CDC37L1: variants seen among roughly 807,000 people sequenced by gnomAD.
CDC37L1 encodes cell division cycle 37 like 1, HSP90 cochaperone, also known as hsp90 co-chaperone Cdc37-like 1.
A neutral mutation model predicts 45.9 loss-of-function variants in CDC37L1; 32 were observed. The observed-to-expected ratio is 0.70, with a 90% CI of 0.53 to 0.94. The LOEUF (loss-of-function observed/expected upper bound fraction) is 0.94, where lower values mean the gene tolerates loss of function less well. Ranked by LOEUF, CDC37L1 falls within the 40% of genes least tolerant of loss-of-function variation. The probability of loss-of-function intolerance (pLI) is 0.00; values close to 1 mark genes in which losing one functional copy is unlikely to be tolerated. For missense variants in CDC37L1, 434 were observed against 405.7 expected (o/e 1.07, Z -0.60); for synonymous variants, 150 against 133.0 (o/e 1.13, Z -0.88).
At chr9:4,686,791 C>T (rs571606911) in intron 2 of CDC37L1, among the ~76,000 whole-genome samples, 4 of 152,274 alleles carry the variant, frequency 2.6e-5, no homozygotes, top group African/African-American at 9.6e-5. Flanking sequence ...ACTTGATAGC[C>T]ACTAGCCACA....
At position 4,679,873 on chromosome 9, in the gene CDC37L1, C is replaced by G. The variant is rs1488486173; in HGVS notation, c.106C>G (p.Pro36Ala). 2.5e-6 allele frequency: 4 copies of G among 1,613,914 alleles called. No homozygotes were observed. The highest frequency in any genetic ancestry group is 3.4e-6 in the Non-Finnish European group (4 of 1,179,964). The part of the protein sequence containing the change: ...FDVFPSSPRC[P>A]QLPGGGAQMY... The stretch of plus-strand genomic sequence containing the variant: ...CGTGTTCCCCAGTTCTCCCCGCTGC[C>G]CGCAGCTGCCAGGCGGCGGCGCCCA... Residue 36 changes from proline (P) to alanine (A), a missense_variant, in exon 1 of 7, where the codon CCG becomes GCG. Transcript: ENST00000381854.
chr9:4,699,031 C>T (rs533877153), intron 5 of CDC37L1, among the ~76,000 whole-genome samples: 13 of 152,140 alleles, frequency 8.5e-5, no homozygotes, highest in Admixed American at 7.9e-4. Flanking sequence ...CCTCAGTTTT[C>T]ATTTCTAACA....
Position 4,701,898 on chromosome 9 carries a change from A to G in CDC37L1, c.782A>G (p.Asn261Ser). 1 of 1,605,964 alleles carries G rather than the reference A, an allele frequency of 6.2e-7. No individual in the cohort carries two copies. The highest frequency in any genetic ancestry group is 8.5e-7 in the Non-Finnish European group (1 of 1,177,470). ...EEEGYFEAFKNELEAFKSRVR... is the reference protein window; with the variant it reads ...EEEGYFEAFKSELEAFKSRVR... Reference sequence around the variant, plus strand: ...GAAGGTTATTTTGAAGCATTCAAAAATGAACTTGAAGCTTTCAAGTCAAGA... The same window carrying G: ...GAAGGTTATTTTGAAGCATTCAAAAGTGAACTTGAAGCTTTCAAGTCAAGA... The change falls in exon 6 of 7, where the codon AAT (asparagine) becomes AGT (serine). Residue 261 changes from asparagine to serine, a missense_variant. Asn to Ser is a conservative substitution (Grantham distance 46). Transcript: ENST00000381854.
chr9:4,692,497 T>G (rs1370131179), intron 3 of CDC37L1, among the ~76,000 whole-genome samples: 1 of 152,118 alleles, frequency 6.6e-6, no homozygotes, highest in African/African-American at 2.4e-5. Flanking sequence ...CTTGAACTCC[T>G]GACCTCAAAT....
chr9:4,685,510 T>C (rs544590979), intron 2 of CDC37L1: 3 of 173,580 alleles, frequency 1.7e-5, no homozygotes, highest in African/African-American at 7.1e-5. Flanking sequence ...CCCCCTACAC[T>C]GATTATCACT....
chr9:4,686,280 G>C (rs1326564940), intron 2 of CDC37L1, among the ~76,000 whole-genome samples: 4 of 152,164 alleles, frequency 2.6e-5, no homozygotes, highest in Admixed American at 2.0e-4. Context: ...AACACACACA[G>C]ATAAGTGTAC....
At chr9:4,697,941 C>G in intron 5 of CDC37L1, 62 bp downstream of exon 5, 1 of 1,501,838 alleles carries the variant, frequency 6.7e-7, no homozygotes, top group South Asian at 1.2e-5. Context: ...CCTCTTTGTT[C>G]TGTTCATATC....
intron 3 of CDC37L1, among the ~76,000 whole-genome samples, chr9:4,692,486 C>T (rs496014): frequency 6.6e-6 from 1 of 151,878 alleles, no homozygotes; most frequent in Admixed American, 6.6e-5. Flanking sequence ...GCCAGGCTGG[C>T]CTTGAACTCC....
At chr9:4,683,654 C>T (rs1426050460) in intron 1 of CDC37L1, among the ~76,000 whole-genome samples, 1 of 152,104 alleles carries the variant, frequency 6.6e-6, no homozygotes, top group Non-Finnish European at 1.5e-5. Flanking sequence ...AAAAAAAGAT[C>T]AGATTCATTT....
At chr9:4,689,194 G>A (rs930278622) in intron 3 of CDC37L1, among the ~76,000 whole-genome samples, 3 of 152,126 alleles carry the variant, frequency 2.0e-5, no homozygotes, top group Non-Finnish European at 4.4e-5. Flanking sequence ...GTATAAGGGA[G>A]GCAAGCCAAC....
chr9:4,706,571 C>T lies in CDC37L1; in HGVS notation c.*459C>T, dbSNP rs1438160096. 2.0e-5 allele frequency: 3 copies of T among 152,840 alleles called. No individual in the cohort carries two copies. Among genetic ancestry groups the T allele is most frequent in the Non-Finnish European group, 4.4e-5 (3 of 68,210 alleles). 9.5% of individuals were successfully genotyped at this position (152,840 alleles called of 1,614,324 possible). A position where few individuals can be genotyped will look rare whatever the true frequency, so the allele number is the denominator to read the frequency against. The stretch of plus-strand genomic sequence containing the variant: ...TTAGCTGTCAAATTTGGTGTTTCAT[C>T]ACATTAAAAGCAATAAATCAGTAGT... On this transcript the variant is annotated 3_prime_UTR_variant, in exon 7 of 7. Transcript: ENST00000381854.
At chr9:4,690,570 G>T (rs1438532711) in intron 3 of CDC37L1, among the ~76,000 whole-genome samples, 1 of 152,128 alleles carries the variant, frequency 6.6e-6, no homozygotes, top group African/African-American at 2.4e-5. Flanking sequence ...TGAAACTATT[G>T]TGCAAATAAT....
intron 1 of CDC37L1, among the ~76,000 whole-genome samples, chr9:4,683,230 C>G (rs1841215067): frequency 6.6e-6 from 1 of 150,924 alleles, no homozygotes; most frequent in South Asian, 2.1e-4. Flanking sequence ...ATCTGAATAG[C>G]AAGTGTCCAC....
chr9:4,704,522 C>G (rs1841426311), intron 6 of CDC37L1, among the ~76,000 whole-genome samples: 1 of 152,170 alleles, frequency 6.6e-6, no homozygotes, highest in Non-Finnish European at 1.5e-5. Flanking sequence ...TTTGGAGAAT[C>G]TCCTCAGCCA....
intron 1 of CDC37L1, 126 bp downstream of exon 1, chr9:4,680,025 A>G: frequency 8.1e-7 from 1 of 1,230,342 alleles, no homozygotes. Flanking sequence ...GGGGCCGGGG[A>G]CCTGGGACCT....
intron 3 of CDC37L1, 83 bp downstream of exon 3, chr9:4,688,689 G>A: frequency 2.2e-6 from 2 of 898,118 alleles, no homozygotes; most frequent in Non-Finnish European, 3.2e-6. Flanking sequence ...TAAAAAGAGA[G>A]CCAAAAAGAA....
rs766764411 is a variant in CDC37L1 at position 4,679,782 on chromosome 9, G to A, written c.15G>A (p.Trp5Ter). 1 of 1,612,850 alleles carries A rather than the reference G, an allele frequency of 6.2e-7. No individual in the cohort carries two copies. The highest frequency in any genetic ancestry group is 1.7e-5 in the Admixed American group (1 of 59,964). MEQP[W>*]PPPGPWSLPR... ...AGCAGCCGGACATGGAACAACCGTGGCCGCCTCCGGGACCCTGGAGCCTCC... is the reference window on the plus strand; with the variant it reads ...AGCAGCCGGACATGGAACAACCGTGACCGCCTCCGGGACCCTGGAGCCTCC... The change falls in exon 1 of 7, where the codon TGG becomes TGA. Residue 5 changes from tryptophan to a stop codon, truncating the protein, a stop_gained. Transcript: ENST00000381854. LOFTEE classifies it high-confidence loss of function.
At chr9:4,696,606 A>G (rs1052414156) in intron 3 of CDC37L1, among the ~76,000 whole-genome samples, 2 of 152,230 alleles carry the variant, frequency 1.3e-5, no homozygotes, top group Non-Finnish European at 2.9e-5. Context: ...ACTTTGACCA[A>G]ATTTCCTGCT....
intron 6 of CDC37L1, among the ~76,000 whole-genome samples, chr9:4,702,263 A>G (rs1403269444): frequency 6.6e-6 from 1 of 152,182 alleles, no homozygotes; most frequent in African/African-American, 2.4e-5. Context: ...AGTTATACCT[A>G]ACCATTCTTA....
Sources: allele counts gnomAD v4.1 joint callset (sites outside exome capture counted in the v4.1 genomes callset), GRCh38; gene constraint gnomAD v4.1.1; transcripts MANE v1.5; gene names NCBI Gene and HGNC (gene_info 2026-07-23, HGNC 2026-07-21).